The following ITGB6 variants were observed in gnomAD, a reference collection of about 807,000 sequenced individuals.
The protein encoded by ITGB6 is integrin beta-6.
Under a neutral mutation model 84.5 loss-of-function variants are expected in ITGB6, and 80 were observed. That is an observed-to-expected ratio of 0.95 (90% CI 0.79 to 1.14). ITGB6 has a LOEUF of 1.14. ITGB6 is among the 50% of genes most tolerant of loss of function. ITGB6 has a pLI of 0.00. For missense variants in ITGB6, 1,006 were observed against 968.0 expected, an observed-to-expected ratio of 1.04 and a Z score of -0.52; for synonymous variants, 383 against 354.9, an observed-to-expected ratio of 1.08 and a Z score of -0.89.
In ITGB6 at chr2:160,128,381, G is replaced by A. The variant is rs550762290; in HGVS notation, c.1661-1780C>T. Reference sequence around the variant, plus strand: ...GGATACAGCCAAAGTTGCATATGGAGTGTGGCAGGTGGGGAAATGGAAAGG... The same window carrying A: ...GGATACAGCCAAAGTTGCATATGGAATGTGGCAGGTGGGGAAATGGAAAGG... On this transcript the variant is annotated intron_variant, in intron 10 of 14. Transcript: ENST00000283249. Among the ~76,000 whole-genome samples, 8 of 152,196 alleles carry A rather than the reference G, an allele frequency of 5.3e-5. 1 individual carries two copies. The highest frequency in any genetic ancestry group is 1.9e-4 in the African/African-American group (8 of 41,528).
At chr2:160,122,333 G>T (rs912389213) in intron 12 of ITGB6, among the ~76,000 whole-genome samples, 1 of 152,112 alleles carries the variant, frequency 6.6e-6, no homozygotes, top group African/African-American at 2.4e-5. Flanking sequence ...CTTAAATATA[G>T]TAAGTACCTT....
intron 10 of ITGB6, among the ~76,000 whole-genome samples, chr2:160,130,531 ATTAT>A (rs1000547693): frequency 3.3e-5 from 5 of 152,182 alleles, no homozygotes; most frequent in Non-Finnish European, 7.4e-5. Context: ...GTTTGTGTGC[ATTAT>A]TTGTCTAATG....
At chr2:160,151,297 A>C (rs1437408601) in intron 7 of ITGB6, among the ~76,000 whole-genome samples, 3 of 152,374 alleles carry the variant, frequency 2.0e-5, no homozygotes, top group African/African-American at 7.2e-5. Flanking sequence ...AAACTCACTA[A>C]AAACTGCACA....
intron 4 of ITGB6, among the ~76,000 whole-genome samples, chr2:160,190,609 C>A (rs1300627958): frequency 1.3e-5 from 2 of 152,138 alleles, no homozygotes; most frequent in Admixed American, 6.6e-5. Context: ...TCATGCCTGG[C>A]ACATTGCTTG....
chr2:160,130,972 C>T (rs1219224217), intron 10 of ITGB6, among the ~76,000 whole-genome samples: 1 of 152,154 alleles, frequency 6.6e-6, no homozygotes, highest in Non-Finnish European at 1.5e-5. Flanking sequence ...AATTTAGAAG[C>T]CCTCCTCTCT....
At chr2:160,128,568 C>G (rs1056322761) in intron 10 of ITGB6, among the ~76,000 whole-genome samples, 2 of 152,094 alleles carry the variant, frequency 1.3e-5, no homozygotes, top group African/African-American at 4.8e-5. Flanking sequence ...GACCATGAAC[C>G]AAGGCGGTGC....
At chr2:160,159,530 C>A (rs1313871057) in intron 7 of ITGB6, among the ~76,000 whole-genome samples, 4 of 152,188 alleles carry the variant, frequency 2.6e-5, no homozygotes, top group African/African-American at 9.7e-5. Flanking sequence ...TAGAATAGCA[C>A]CCTGCTTACT....
At chr2:160,193,454 G>T (rs1161316611) in intron 4 of ITGB6, among the ~76,000 whole-genome samples, 1 of 152,102 alleles carries the variant, frequency 6.6e-6, no homozygotes, top group Non-Finnish European at 1.5e-5. Flanking sequence ...GAAACAGAAA[G>T]TGGTTGCCTC....
chr2:160,168,803 T>C (rs1343123200), intron 7 of ITGB6, among the ~76,000 whole-genome samples: 2 of 152,224 alleles, frequency 1.3e-5, no homozygotes, highest in Non-Finnish European at 2.9e-5. Flanking sequence ...AGTATCTAAT[T>C]TGCAAATGCC....
Position 160,150,153 on chromosome 2 carries a change from T to G in ITGB6, c.1018-8082A>C, listed in dbSNP as rs187714801. Among the ~76,000 whole-genome samples, 25 of 152,166 alleles carry G rather than the reference T, an allele frequency of 1.6e-4. No homozygotes were observed. The East Asian group carries it at 4.8e-3, about 29-fold the overall frequency. On this transcript the variant is annotated intron_variant, in intron 7 of 14. Transcript: ENST00000283249. ...GAAGGGAAACCCCAAGACACATAAT[T>G]GTCAGATTCACCAAAGTTGAAATGA...
rs755421198 is a variant in ITGB6, at chr2:160,123,802, C to A, written c.1970G>T (p.Ser657Ile). 8.9e-5 allele frequency: 143 copies of A among 1,613,402 alleles called. No homozygotes were observed. Among genetic ancestry groups the A allele is most frequent in the Non-Finnish European group, 1.2e-4 (140 of 1,179,526 alleles). Residue 657 changes from serine (S) to isoleucine (I), a missense_variant, in exon 12 of 15, where the codon AGT becomes ATT. Transcript: ENST00000283249. ...DKCKLAGATI[S>I]EEEDFSKDGS... ...AAGACAAGCAGAACCTTCTTCTTCA[C>A]TGATGGTCGCACCAGCTAGTTTGCA...
chr2:160,105,486 G>T (rs1308290878), intron 14 of ITGB6, among the ~76,000 whole-genome samples: 1 of 152,178 alleles, frequency 6.6e-6, no homozygotes, highest in African/African-American at 2.4e-5. Flanking sequence ...GCCCAAGTGC[G>T]TGTTTGTGGA....
At chr2:160,150,781 CA>C (rs552941538) in intron 7 of ITGB6, among the ~76,000 whole-genome samples, 4 of 150,686 alleles carry the variant, frequency 2.7e-5, no homozygotes, top group South Asian at 4.2e-4. Flanking sequence ...AAATGGAAAG[CA>C]AAAAAAAGCA....
At chr2:160,120,294 T>G (rs1460491914) in intron 12 of ITGB6, among the ~76,000 whole-genome samples, 128 of 139,600 alleles carry the variant, frequency 9.2e-4, no homozygotes, top group South Asian at 4.4e-3. Flanking sequence ...TAGACTGGAT[T>G]AAGAAAATGT....
chr2:160,172,510 T>C, intron 6 of ITGB6, 59 bp downstream of exon 6: 1 of 1,452,306 alleles, frequency 6.9e-7, no homozygotes, highest in Non-Finnish European at 9.5e-7. Flanking sequence ...ATTACACTAG[T>C]TGTTGCTTCG....
chr2:160,164,525 G>A (rs1480487865), intron 7 of ITGB6, among the ~76,000 whole-genome samples: 8 of 151,958 alleles, frequency 5.3e-5, no homozygotes, highest in Admixed American at 3.9e-4. Context: ...GCGAAACCCC[G>A]TCTCTACTAA....
intron 4 of ITGB6, among the ~76,000 whole-genome samples, chr2:160,194,156 CA>C (rs909714019): frequency 9.9e-5 from 15 of 152,148 alleles, no homozygotes; most frequent in Non-Finnish European, 1.9e-4. Context: ...AACTCCATTT[CA>C]AAACAAAACA....
At chr2:160,183,171 T>C (rs950743690) in intron 4 of ITGB6, among the ~76,000 whole-genome samples, 10 of 152,220 alleles carry the variant, frequency 6.6e-5, no homozygotes, top group Non-Finnish European at 1.0e-4. Context: ...ATGGGCTAAA[T>C]GCCCCAATTA....
At chr2:160,168,128 T>C (rs894122323) in intron 7 of ITGB6, among the ~76,000 whole-genome samples, 3 of 152,202 alleles carry the variant, frequency 2.0e-5, no homozygotes, top group African/African-American at 4.8e-5. Flanking sequence ...GGAGCTTGAT[T>C]GCAAGGAACT....
Sources: allele counts gnomAD v4.1 joint callset (sites outside exome capture counted in the v4.1 genomes callset), GRCh38; gene constraint gnomAD v4.1.1; transcripts MANE v1.5; gene names NCBI Gene and HGNC (gene_info 2026-07-23, HGNC 2026-07-21).